Variants in GRID1 observed in about 807,000 individuals in gnomAD.
GRID1 encodes glutamate ionotropic receptor delta type subunit 1.
Under a neutral mutation model 98.0 loss-of-function variants are expected in GRID1, and 28 were observed. The observed-to-expected ratio is 0.29, with a 90% confidence interval of 0.21 to 0.39. The LOEUF is 0.39. Ranked by LOEUF, GRID1 falls within the 10% of genes least tolerant of loss-of-function variation. GRID1 has a pLI of 1.00. For missense variants in GRID1, 1,111 were observed against 1,340.5 expected, an observed-to-expected ratio of 0.83 and a Z score of 2.67; for synonymous variants, 553 against 538.5, an observed-to-expected ratio of 1.03 and a Z score of -0.37.
chr10:86,157,974 AC>A (rs1845269461), intron 3 of GRID1, among the ~76,000 whole-genome samples: 6 of 152,222 alleles, frequency 3.9e-5, no homozygotes, highest in Admixed American at 2.0e-4. Context: ...GGAGCATGGA[AC>A]CAGCACAGCC....
chr10:86,138,296 T>C (rs1164217371), intron 4 of GRID1, among the ~76,000 whole-genome samples: 1 of 152,214 alleles, frequency 6.6e-6, no homozygotes, highest in Non-Finnish European at 1.5e-5. Context: ...GGCTCCAACC[T>C]CGAACAGAGA....
intron 2 of GRID1, among the ~76,000 whole-genome samples, chr10:86,338,640 C>T (rs1050036065): frequency 6.6e-6 from 1 of 152,156 alleles, no homozygotes; most frequent in African/African-American, 2.4e-5. Context: ...TCAATGCAAC[C>T]TCCGCCTCCC....
chr10:86,316,483 CCAGA>C (rs1367156263), intron 2 of GRID1, among the ~76,000 whole-genome samples: 1 of 152,362 alleles, frequency 6.6e-6, no homozygotes, highest in East Asian at 1.9e-4. Flanking sequence ...ATGCCTGAAA[CCAGA>C]CAAAGAGCCT....
chr10:86,317,633 C>T (rs1036211323), intron 2 of GRID1, among the ~76,000 whole-genome samples: 8 of 152,140 alleles, frequency 5.3e-5, no homozygotes, highest in Non-Finnish European at 1.0e-4. Flanking sequence ...ATTCTCTCAG[C>T]CAGTGCTTCT....
At chr10:86,316,590 C>T (rs1028943711) in intron 2 of GRID1, among the ~76,000 whole-genome samples, 6 of 152,234 alleles carry the variant, frequency 3.9e-5, no homozygotes, top group Non-Finnish European at 7.3e-5. Context: ...GGGCAGAGCC[C>T]CAGTGGAAGA....
intron 4 of GRID1, among the ~76,000 whole-genome samples, chr10:85,964,590 G>A (rs1842313032): frequency 6.6e-6 from 1 of 152,318 alleles, no homozygotes; most frequent in East Asian, 1.9e-4. Flanking sequence ...CTAGCCATAT[G>A]CCAAAAGCTG....
At chr10:85,694,872 T>G (rs564157388) in intron 12 of GRID1, among the ~76,000 whole-genome samples, 2 of 151,758 alleles carry the variant, frequency 1.3e-5, no homozygotes, top group Admixed American at 1.3e-4. Context: ...GTACATTATT[T>G]GAGTGATGGT....
At chr10:86,105,605 T>C (rs528122187) in intron 4 of GRID1, among the ~76,000 whole-genome samples, 147 of 152,236 alleles carry the variant, frequency 9.7e-4, no homozygotes, top group Non-Finnish European at 1.3e-3. Flanking sequence ...CCCAGCAGTG[T>C]CCGGGGCACA....
chr10:86,137,630 G>C (rs1844947945), intron 4 of GRID1, among the ~76,000 whole-genome samples: 1 of 152,204 alleles, frequency 6.6e-6, no homozygotes, highest in Admixed American at 6.5e-5. Flanking sequence ...ACATGTTAGT[G>C]CTGCTAATCC....
intron 4 of GRID1, among the ~76,000 whole-genome samples, chr10:86,085,901 G>A (rs967730965): frequency 1.3e-5 from 2 of 152,020 alleles, no homozygotes; most frequent in Non-Finnish European, 2.9e-5. Flanking sequence ...CCCATGGCCT[G>A]GGCATTGCCC....
chr10:85,712,705 G>T (rs192737151), intron 12 of GRID1, among the ~76,000 whole-genome samples: 89 of 151,822 alleles, frequency 5.9e-4, no homozygotes, highest in African/African-American at 2.1e-3. Context: ...TAAGAAGACT[G>T]AAATCATATC....
chr10:86,136,419 C>G (rs892905669), intron 4 of GRID1, among the ~76,000 whole-genome samples: 2 of 152,206 alleles, frequency 1.3e-5, no homozygotes, highest in African/African-American at 4.8e-5. Context: ...GTGCTGTACA[C>G]TGATATTCCT....
intron 4 of GRID1, among the ~76,000 whole-genome samples, chr10:86,099,487 C>T (rs1844264975): frequency 6.6e-6 from 1 of 152,074 alleles, no homozygotes; most frequent in Non-Finnish European, 1.5e-5. Context: ...AAGCCACGAC[C>T]CAGGCCCCTT....
At chr10:85,681,220 C>A (rs1304738332) in intron 12 of GRID1, among the ~76,000 whole-genome samples, 1 of 152,112 alleles carries the variant, frequency 6.6e-6, no homozygotes, top group Admixed American at 6.5e-5. Context: ...TGGCTCCCCC[C>A]ATGAGCCCTG....
intron 2 of GRID1, among the ~76,000 whole-genome samples, chr10:86,248,460 G>A (rs990347808): frequency 2.0e-5 from 3 of 151,958 alleles, no homozygotes; most frequent in African/African-American, 7.3e-5. Flanking sequence ...TTCAGAATCA[G>A]CAGACTTGAA....
intron 12 of GRID1, chr10:85,709,073 T>C (rs568525845): frequency 6.1e-6 from 2 of 329,222 alleles, no homozygotes; most frequent in East Asian, 8.7e-5. Flanking sequence ...AAACAACTTG[T>C]TATTGAAAAC....
chr10:86,322,091 A>C (rs1847978474), intron 2 of GRID1, among the ~76,000 whole-genome samples: 2 of 152,138 alleles, frequency 1.3e-5, no homozygotes, highest in African/African-American at 4.8e-5. Context: ...CGAATGAACT[A>C]GATCTGGGAA....
At chr10:86,078,352 T>C (rs940855903) in intron 4 of GRID1, among the ~76,000 whole-genome samples, 1 of 152,224 alleles carries the variant, frequency 6.6e-6, no homozygotes, top group Non-Finnish European at 1.5e-5. Flanking sequence ...GCTGCTTCTT[T>C]ATTGCAAAGT....
intron 5 of GRID1, among the ~76,000 whole-genome samples, chr10:85,873,140 G>A (rs1446006186): frequency 6.6e-6 from 1 of 152,170 alleles, no homozygotes; most frequent in Non-Finnish European, 1.5e-5. Flanking sequence ...GCTCACTGAT[G>A]TCAGGCTGCA....
Sources: allele counts gnomAD v4.1 joint callset (sites outside exome capture counted in the v4.1 genomes callset), GRCh38; gene constraint gnomAD v4.1.1; transcripts MANE v1.5; gene names NCBI Gene and HGNC (gene_info 2026-07-23, HGNC 2026-07-21).